Variants in RBFOX1 observed in about 807,000 individuals in gnomAD.
RBFOX1 encodes RNA binding protein fox-1 homolog 1.
RBFOX1 carries 8 observed loss-of-function variants against 57.7 expected under a neutral mutation model. The observed-to-expected ratio is 0.14, with a 90% CI of 0.08 to 0.25. The LOEUF (loss-of-function observed/expected upper bound fraction) is 0.25, where lower values mean the gene tolerates loss of function less well. RBFOX1 is among the 10% of genes least tolerant of loss of function. The pLI, the probability that RBFOX1 is intolerant of heterozygous loss-of-function variation, is 1.00. For synonymous variants in RBFOX1, 326 were observed against 222.4 expected (o/e 1.47, Z -4.15); for missense variants, 611 against 548.5 (o/e 1.11, Z -1.14).
At chr16:7,461,824 A>G (rs1567294335) in intron 4 of RBFOX1, among the ~76,000 whole-genome samples, 1 of 152,116 alleles carries the variant, frequency 6.6e-6, no homozygotes, top group Non-Finnish European at 1.5e-5. Flanking sequence ...TCTCTTAGCG[A>G]CTTCTGGGAT....
chr16:6,072,858 G>T lies in RBFOX1; in HGVS notation c.-127+52866G>T, dbSNP rs191336868. On this transcript the variant is annotated intron_variant, in intron 1 of 15. Coordinates refer to ENST00000550418, the MANE Select transcript of RBFOX1 (RefSeq NM_018723.4). Reference sequence around the variant, plus strand: ...ATGTCCAAATAAAGGGAAATTTTTGGATGTGAAAGATAGGTCTGTTCCTAT... The same window carrying T: ...ATGTCCAAATAAAGGGAAATTTTTGTATGTGAAAGATAGGTCTGTTCCTAT... 5.3e-5 allele frequency among the ~76,000 whole-genome samples: 8 copies of T among 152,176 alleles called. No individual in the cohort carries two copies. In the East Asian group the frequency reaches 1.5e-3, roughly 29 times the overall value.
chr16:6,455,676 T>G (rs1211346834), intron 2 of RBFOX1, among the ~76,000 whole-genome samples: 2 of 152,184 alleles, frequency 1.3e-5, no homozygotes, highest in East Asian at 3.9e-4. Context: ...TATGACGACT[T>G]TTTAATCAAG....
chr16:7,338,148 CATCACCG>C (rs1470008062), intron 4 of RBFOX1, among the ~76,000 whole-genome samples: 2 of 152,144 alleles, frequency 1.3e-5, no homozygotes, highest in African/African-American at 4.8e-5. Context: ...CCTATTAACC[CATCACCG>C]ATGTATTTAG....
intron 4 of RBFOX1, among the ~76,000 whole-genome samples, chr16:7,362,904 C>A (rs1231384574): frequency 6.6e-6 from 1 of 152,154 alleles, no homozygotes; most frequent in Non-Finnish European, 1.5e-5. Context: ...TTGCTGGAGT[C>A]ATTTCCTAAC....
At chr16:5,824,505 T>C (rs1198486610) in intron 3 of RBFOX1, among the ~76,000 whole-genome samples, 2 of 152,220 alleles carry the variant, frequency 1.3e-5, no homozygotes, top group Non-Finnish European at 2.9e-5. Flanking sequence ...TGCAGGGGGC[T>C]GCAGGGTGAC....
At chr16:5,454,767 C>CTCTTTCTT (rs377472982) in intron 1 of RBFOX1, among the ~76,000 whole-genome samples, 9 of 36,344 alleles carry the variant, frequency 2.5e-4, no homozygotes, top group African/African-American at 6.8e-4. Flanking sequence ...TTCTTTCTTT[C>CTCTTTCTT]TCTTTCTTTC....
At chr16:7,234,443 A>G (rs906047352) in intron 4 of RBFOX1, among the ~76,000 whole-genome samples, 1 of 152,108 alleles carries the variant, frequency 6.6e-6, no homozygotes, top group African/African-American at 2.4e-5. Flanking sequence ...GCAAGATGCC[A>G]TCAATAAAAT....
intron 3 of RBFOX1, among the ~76,000 whole-genome samples, chr16:6,797,433 G>T (rs1288961589): frequency 6.6e-6 from 1 of 152,090 alleles, no homozygotes; most frequent in Non-Finnish European, 1.5e-5. Context: ...TTGCTTTGTT[G>T]CGCAATAACA....
At chr16:6,427,949 T>C (rs772297609) in intron 2 of RBFOX1, among the ~76,000 whole-genome samples, 3 of 152,120 alleles carry the variant, frequency 2.0e-5, no homozygotes, top group East Asian at 1.9e-4. Context: ...AGTATTGCTG[T>C]GAGGGCTCAG....
intron 4 of RBFOX1, among the ~76,000 whole-genome samples, chr16:7,284,047 T>C (rs909536522): frequency 6.6e-6 from 1 of 152,212 alleles, no homozygotes; most frequent in African/African-American, 2.4e-5. Context: ...TACGTAGCCT[T>C]TAGGCCTGAC....
chr16:6,861,573 C>G (rs1050315722), intron 3 of RBFOX1, among the ~76,000 whole-genome samples: 11 of 146,558 alleles, frequency 7.5e-5, no homozygotes, highest in African/African-American at 2.2e-4. Context: ...ATCTTAGGCT[C>G]TCATTTCATA....
chr16:6,259,334 A>G (rs1326415023), intron 1 of RBFOX1, among the ~76,000 whole-genome samples: 1 of 152,122 alleles, frequency 6.6e-6, no homozygotes, highest in Non-Finnish European at 1.5e-5. Context: ...TCTAGCCGTT[A>G]GGCAGAGTTC....
intron 12 of RBFOX1, among the ~76,000 whole-genome samples, chr16:7,660,494 G>C (rs1482706209): frequency 6.6e-6 from 1 of 152,224 alleles, no homozygotes; most frequent in Non-Finnish European, 1.5e-5. Context: ...GCTGTTTGAT[G>C]AGGCTTTACA....
At chr16:5,802,732 A>G (rs1314150256) in intron 3 of RBFOX1, among the ~76,000 whole-genome samples, 1 of 152,212 alleles carries the variant, frequency 6.6e-6, no homozygotes, top group African/African-American at 2.4e-5. Flanking sequence ...TCTGGATTAC[A>G]GACAAAAACT....
At chr16:7,323,508 A>T (rs2096572225) in intron 4 of RBFOX1, among the ~76,000 whole-genome samples, 1 of 152,244 alleles carries the variant, frequency 6.6e-6, no homozygotes, top group Non-Finnish European at 1.5e-5. Context: ...AAAAAAAGAA[A>T]GCCTTCTTAT....
chr16:7,652,390 G>A (rs1438240891), intron 11 of RBFOX1, among the ~76,000 whole-genome samples: 1 of 152,138 alleles, frequency 6.6e-6, no homozygotes, highest in Non-Finnish European at 1.5e-5. Context: ...TTTTACCCAA[G>A]GGAAGATATC....
At chr16:7,406,271 G>A (rs2098338653) in intron 4 of RBFOX1, among the ~76,000 whole-genome samples, 2 of 152,138 alleles carry the variant, frequency 1.3e-5, no homozygotes, top group South Asian at 2.1e-4. Context: ...GGCCTACTAT[G>A]TGCCAAATAC....
intron 3 of RBFOX1, among the ~76,000 whole-genome samples, chr16:6,983,424 G>T (rs2089472092): frequency 6.6e-6 from 1 of 150,636 alleles, no homozygotes; most frequent in East Asian, 1.9e-4. Context: ...TCTATTTGCT[G>T]CTTCTGGTCC....
At chr16:7,010,127 C>T (rs929755332) in intron 3 of RBFOX1, among the ~76,000 whole-genome samples, 7 of 152,192 alleles carry the variant, frequency 4.6e-5, no homozygotes, top group African/African-American at 1.4e-4. Flanking sequence ...TTCTTTGCTG[C>T]AAAGCACGTG....
Sources: allele counts gnomAD v4.1 joint callset (sites outside exome capture counted in the v4.1 genomes callset), GRCh38; gene constraint gnomAD v4.1.1; transcripts MANE v1.5; gene names NCBI Gene and HGNC (gene_info 2026-07-23, HGNC 2026-07-21).